Variants in ATOSA observed in about 807,000 individuals in gnomAD.
ATOSA encodes atos homolog A.
chr15:52,637,490 G>T, the ATOSA span, among the ~76,000 whole-genome samples: 1 of 152,058 alleles, frequency 6.6e-6, no homozygotes, highest in Non-Finnish European at 1.5e-5. Context: ...AGCCAAAAAC[G>T]TAGTAATTGA....
At chr15:52,608,270 T>C in the ATOSA span, among the ~76,000 whole-genome samples, 5 of 152,328 alleles carry the variant, frequency 3.3e-5, no homozygotes, top group South Asian at 6.2e-4. Flanking sequence ...ACCTAAATAA[T>C]AGACCTAACA....
the ATOSA span, among the ~76,000 whole-genome samples, chr15:52,695,005 AC>A: frequency 6.6e-6 from 1 of 150,858 alleles, no homozygotes; most frequent in East Asian, 1.9e-4. Context: ...GCTCACTGCA[AC>A]CTCCACCTCC....
At chr15:52,678,028 A>G in the ATOSA span, 1 of 1,614,022 alleles carries the variant, frequency 6.2e-7, no homozygotes, top group Non-Finnish European at 8.5e-7. Flanking sequence ...TCATTTTCAC[A>G]TCCAATTTTC....
At chr15:52,638,776 G>A in the ATOSA span, among the ~76,000 whole-genome samples, 32 of 151,216 alleles carry the variant, frequency 2.1e-4, no homozygotes, top group African/African-American at 5.6e-4. Context: ...TGGAAACAGC[G>A]GATATATGGG....
the ATOSA span, chr15:52,581,862 AT>A: frequency 4.0e-6 from 1 of 252,462 alleles, no homozygotes; most frequent in Non-Finnish European, 7.4e-6. Context: ...TAAGGAAAAC[AT>A]TAAATATTAA....
chr15:52,681,481 C>T, the ATOSA span, among the ~76,000 whole-genome samples: 3 of 152,144 alleles, frequency 2.0e-5, no homozygotes, highest in Non-Finnish European at 4.4e-5. Context: ...CAATAGTTAT[C>T]GCTTTCTTTT....
chr15:52,706,313 G>A, the ATOSA span, among the ~76,000 whole-genome samples: 1 of 152,204 alleles, frequency 6.6e-6, no homozygotes, highest in Admixed American at 6.5e-5. Flanking sequence ...CAACCAATTT[G>A]TGAACACAGG....
At chr15:52,592,248 G>C in the ATOSA span, among the ~76,000 whole-genome samples, 5 of 152,168 alleles carry the variant, frequency 3.3e-5, no homozygotes, top group Non-Finnish European at 7.3e-5. Context: ...CAGATAGTAA[G>C]TTAGGAAATT....
At chr15:52,611,018 C>G in the ATOSA span, 1 of 1,230,756 alleles carries the variant, frequency 8.1e-7, no homozygotes, top group South Asian at 1.9e-5. Context: ...AAATTTTATC[C>G]ACTTACATTT....
the ATOSA span, among the ~76,000 whole-genome samples, chr15:52,621,441 A>G: frequency 5.8e-4 from 89 of 152,364 alleles, no homozygotes; most frequent in African/African-American, 2.0e-3. Context: ...CCAGTGTCAT[A>G]TATTTTTAAT....
chr15:52,648,702 T>G, the ATOSA span: 1 of 152,078 alleles, frequency 6.6e-6, no homozygotes, highest in Admixed American at 6.6e-5. Flanking sequence ...GGAATATACA[T>G]AACTGATTCA....
the ATOSA span, chr15:52,678,424 A>C: frequency 4.8e-6 from 1 of 206,252 alleles, no homozygotes; most frequent in Non-Finnish European, 9.8e-6. Context: ...AGCAACACAA[A>C]CTAACCCCTT....
chr15:52,676,179 T>C, the ATOSA span, among the ~76,000 whole-genome samples: 1 of 152,224 alleles, frequency 6.6e-6, no homozygotes, highest in Non-Finnish European at 1.5e-5. Flanking sequence ...TAAAAATATT[T>C]TGACGTTTAA....
chr15:52,609,030 G>C, the ATOSA span: 3 of 1,613,050 alleles, frequency 1.9e-6, no homozygotes, highest in Admixed American at 1.7e-5. Flanking sequence ...CTTGCTCCTT[G>C]AATCTGCTTG....
chr15:52,609,066 C>T, the ATOSA span: 4 of 1,613,200 alleles, frequency 2.5e-6, no homozygotes, highest in African/African-American at 5.3e-5. Flanking sequence ...TTTCTTTGTG[C>T]TGAGACAAAA....
the ATOSA span, among the ~76,000 whole-genome samples, chr15:52,689,502 C>T: frequency 2.9e-3 from 440 of 152,270 alleles, 1 homozygote; most frequent in African/African-American, 0.01. Flanking sequence ...GATTAGCTAT[C>T]GACACAAGAC....
At chr15:52,649,508 A>C in the ATOSA span, 1 of 152,162 alleles carries the variant, frequency 6.6e-6, no homozygotes, top group African/African-American at 2.4e-5. Flanking sequence ...AATCAAAAAC[A>C]ATCTGTTTTA....
the ATOSA span, among the ~76,000 whole-genome samples, chr15:52,661,931 CAAAAAAAAAA>C: frequency 7.5e-4 from 55 of 73,258 alleles, no homozygotes; most frequent in African/African-American, 3.2e-3. Flanking sequence ...CAAGCCAGGC[CAAAAAAAAAA>C]AAAAAAAAAA....
At chr15:52,669,490 T>C in the ATOSA span, among the ~76,000 whole-genome samples, 21 of 152,170 alleles carry the variant, frequency 1.4e-4, no homozygotes, top group African/African-American at 4.8e-4. Flanking sequence ...AACCATGATC[T>C]CTCTTCACAA....
Sources: gnomAD v4.1 joint callset for allele counts (sites outside exome capture counted in the v4.1 genomes callset) on GRCh38, gnomAD v4.1.1 for gene constraint, MANE v1.5 for transcripts, NCBI Gene and HGNC (gene_info 2026-07-23, HGNC 2026-07-21) for gene names.